The following PCDH9 variants were observed in gnomAD, a reference collection of about 807,000 sequenced individuals.
The protein encoded by PCDH9 is protocadherin 9, also known as protocadherin-9.
A neutral mutation model predicts 70.6 loss-of-function variants in PCDH9; 24 were observed. The ratio of observed to expected loss-of-function variants is 0.34; its 90% CI spans 0.25 to 0.48. The LOEUF is 0.48. PCDH9 is among the 20% of genes least tolerant of loss of function. The pLI is 0.99. For synonymous variants in PCDH9, 562 were observed against 558.5 expected (o/e 1.01, Z -0.09); for missense variants, 1,281 against 1,503.6 (o/e 0.85, Z 2.45).
At chr13:66,709,343 A>C (rs111660486) in intron 3 of PCDH9, among the ~76,000 whole-genome samples, 2,973 of 152,292 alleles carry the variant, frequency 0.02, 103 homozygotes, top group African/African-American at 0.068. Flanking sequence ...ACAATAACTA[A>C]ATACAATTGT....
At chr13:66,550,134 T>A (rs1211188609) in intron 4 of PCDH9, among the ~76,000 whole-genome samples, 2 of 152,070 alleles carry the variant, frequency 1.3e-5, no homozygotes, top group Non-Finnish European at 2.9e-5. Context: ...CTCTTTAATT[T>A]TAATTTATTA....
At chr13:66,559,402 T>C (rs1359936041) in intron 4 of PCDH9, among the ~76,000 whole-genome samples, 1 of 152,204 alleles carries the variant, frequency 6.6e-6, no homozygotes, top group Non-Finnish European at 1.5e-5. Context: ...TGTTGTCTTA[T>C]ATAATCCTAC....
chr13:66,427,980 C>A (rs1213572587), intron 4 of PCDH9, among the ~76,000 whole-genome samples: 1 of 151,632 alleles, frequency 6.6e-6, no homozygotes, highest in Non-Finnish European at 1.5e-5. Flanking sequence ...TTGAGGTAAT[C>A]AAATATTATT....
intron 2 of PCDH9, among the ~76,000 whole-genome samples, chr13:67,156,877 T>C (rs1052353455): frequency 6.6e-6 from 1 of 152,126 alleles, no homozygotes; most frequent in African/African-American, 2.4e-5. Flanking sequence ...GTCTGAGCAG[T>C]GGGGCACTGG....
chr13:66,999,525 T>C (rs2084194913), intron 2 of PCDH9, among the ~76,000 whole-genome samples: 2 of 151,954 alleles, frequency 1.3e-5, no homozygotes, highest in Admixed American at 1.3e-4. Flanking sequence ...CAAAAGAAAC[T>C]ACCATCAGAG....
At chr13:66,586,335 G>A (rs1383384183) in intron 4 of PCDH9, among the ~76,000 whole-genome samples, 1 of 152,024 alleles carries the variant, frequency 6.6e-6, no homozygotes, top group Non-Finnish European at 1.5e-5. Flanking sequence ...ATTAATTATA[G>A]ATTGTTTATT....
chr13:66,937,641 C>G (rs145345759), intron 2 of PCDH9, among the ~76,000 whole-genome samples: 3 of 152,240 alleles, frequency 2.0e-5, no homozygotes, highest in East Asian at 1.9e-4. Flanking sequence ...AGTGGAAAAC[C>G]TAACTTAGTA....
chr13:66,355,676 G>A (rs1006490297), intron 4 of PCDH9, among the ~76,000 whole-genome samples: 4 of 152,036 alleles, frequency 2.6e-5, no homozygotes, highest in South Asian at 2.1e-4. Flanking sequence ...ATTAAATAAG[G>A]CATCTTTAAA....
At chr13:66,647,252 C>T (rs888680828) in intron 3 of PCDH9, among the ~76,000 whole-genome samples, 10 of 152,158 alleles carry the variant, frequency 6.6e-5, no homozygotes, top group Admixed American at 3.9e-4. Context: ...TCCCCCATCC[C>T]CAGGCTGTAC....
At chr13:66,708,200 C>T (rs1593928347) in intron 3 of PCDH9, among the ~76,000 whole-genome samples, 1 of 151,094 alleles carries the variant, frequency 6.6e-6, no homozygotes. Context: ...CAGGCGCCCG[C>T]CACTACGCCC....
intron 3 of PCDH9, among the ~76,000 whole-genome samples, chr13:66,779,225 T>C (rs73210276): frequency 0.035 from 5,370 of 152,100 alleles, 143 homozygotes; most frequent in Non-Finnish European, 0.054. Flanking sequence ...CAATATTTCA[T>C]TTCTGAAAAA....
chr13:66,903,220 T>C (rs1377356174), intron 3 of PCDH9, among the ~76,000 whole-genome samples: 1 of 151,850 alleles, frequency 6.6e-6, no homozygotes, highest in Non-Finnish European at 1.5e-5. Context: ...AGTTGCTTAT[T>C]ACTTTCTTTA....
At chr13:66,980,825 C>A (rs2083747315) in intron 2 of PCDH9, among the ~76,000 whole-genome samples, 2 of 130,680 alleles carry the variant, frequency 1.5e-5, no homozygotes, top group South Asian at 2.6e-4. Context: ...GTCAAATAAA[C>A]AAATATCCTA....
At chr13:66,637,279 A>G (rs1267663917) in intron 3 of PCDH9, among the ~76,000 whole-genome samples, 1 of 152,188 alleles carries the variant, frequency 6.6e-6, no homozygotes, top group East Asian at 1.9e-4. Context: ...GACTCGACTT[A>G]AGGGTAACAA....
intron 4 of PCDH9, among the ~76,000 whole-genome samples, chr13:66,563,919 G>A (rs992882255): frequency 2.0e-5 from 3 of 151,780 alleles, no homozygotes; most frequent in South Asian, 2.1e-4. Flanking sequence ...TATTATTAAC[G>A]CAGGGTGTTT....
chr13:66,946,281 T>G (rs974977826), intron 2 of PCDH9, among the ~76,000 whole-genome samples: 1 of 152,156 alleles, frequency 6.6e-6, no homozygotes, highest in African/African-American at 2.4e-5. Flanking sequence ...CATTAAATAT[T>G]AGTATAATTA....
chr13:67,097,094 A>AG lies in PCDH9; in HGVS notation c.3036+128310_3036+128311insC, dbSNP rs1384248667. On this transcript the variant is annotated intron_variant, in intron 2 of 4. Coordinates refer to ENST00000377865, the MANE Select transcript of PCDH9 (RefSeq NM_203487.3). ...AACCCTATCTCTACAGAAAATACAA[A>AG]AAAAAAAAAAATTAGCTGGGCATGG... Among the ~76,000 whole-genome samples the AG allele has an allele frequency of 7.3e-5, 11 of 151,088 alleles. No individual in the cohort carries two copies. The South Asian group carries it at 1.7e-3, about 23-fold the overall frequency.
chr13:66,925,259 T>A (rs2082698681), intron 2 of PCDH9, among the ~76,000 whole-genome samples: 1 of 151,842 alleles, frequency 6.6e-6, no homozygotes, highest in Non-Finnish European at 1.5e-5. Flanking sequence ...TTTTTAAAAA[T>A]CGAGTGGTTT....
intron 4 of PCDH9, chr13:66,306,159 G>C (rs1955460805): frequency 6.6e-6 from 1 of 151,794 alleles, no homozygotes. Context: ...AAAAAATGCA[G>C]AAAAAAGTAA....
Sources: gnomAD v4.1 joint callset for allele counts (sites outside exome capture counted in the v4.1 genomes callset) on GRCh38, gnomAD v4.1.1 for gene constraint, MANE v1.5 for transcripts, NCBI Gene and HGNC (gene_info 2026-07-23, HGNC 2026-07-21) for gene names.